Variants in USP10 observed in about 807,000 individuals in gnomAD.
USP10 encodes ubiquitin carboxyl-terminal hydrolase 10.
USP10 carries 22 observed loss-of-function variants against 84.5 expected under a neutral mutation model. The observed-to-expected ratio is 0.26, with a 90% CI of 0.19 to 0.37. The LOEUF (loss-of-function observed/expected upper bound fraction) is 0.37. Among genes scored for constraint, USP10 ranks in the 10% least tolerant of loss-of-function variants. The probability of loss-of-function intolerance (pLI) is 1.00; values close to 1 mark genes in which losing one functional copy is unlikely to be tolerated. For missense variants in USP10, 1,019 were observed against 998.9 expected (o/e 1.02, Z -0.27); for synonymous variants, 454 against 387.6 (o/e 1.17, Z -2.01).
At chr16:84,703,534 G>A (rs1048905534) in intron 1 of USP10, among the ~76,000 whole-genome samples, 4 of 152,230 alleles carry the variant, frequency 2.6e-5, no homozygotes, top group Non-Finnish European at 4.4e-5. Context: ...CTAGCCAACA[G>A]CTGGATTAGT....
chr16:84,744,598 C>A (rs1486426373), intron 3 of USP10, 35 bp from the exon 4 acceptor site: 11 of 1,534,512 alleles, frequency 7.2e-6, no homozygotes, highest in Non-Finnish European at 9.7e-6. Flanking sequence ...GTTTGTAGAA[C>A]TGGGTTCTTA....
chr16:84,750,838 T>C (rs1041745542), intron 4 of USP10, among the ~76,000 whole-genome samples: 7 of 152,246 alleles, frequency 4.6e-5, no homozygotes, highest in African/African-American at 1.7e-4. Context: ...TGAACAGCTC[T>C]GAAAACATTG....
intron 9 of USP10, 25 bp downstream of exon 9, chr16:84,763,113 G>C (rs1333630042): frequency 6.5e-7 from 1 of 1,532,048 alleles, no homozygotes; most frequent in Admixed American, 1.7e-5. Context: ...ACTTGCCGCA[G>C]AGTTGTGCAA....
chr16:84,703,502 C>G (rs777468768), intron 1 of USP10, among the ~76,000 whole-genome samples: 4 of 152,196 alleles, frequency 2.6e-5, no homozygotes, highest in Admixed American at 1.3e-4. Flanking sequence ...CTGAATGTTA[C>G]TGTATTGCTG....
intron 11 of USP10, 108 bp from the exon 12 acceptor site, chr16:84,772,433 C>A (rs574788052): frequency 6.7e-7 from 1 of 1,499,920 alleles, no homozygotes. Context: ...TGCCACAGGA[C>A]TCTTGGGCCT....
At position 84,701,649 on chromosome 16, in the gene USP10, A is replaced by T. The variant is rs2150747297; in HGVS notation, c.21+1538A>T. ...CATAGCTCACTTCCTTTATTTAATA[A>T]GCATCAATCACAATTCAAGGTTGAT... On this transcript the variant is annotated intron_variant, in intron 1 of 13. Transcript: ENST00000219473. Among the ~76,000 whole-genome samples the T allele has an allele frequency of 2.0e-5, 3 of 152,358 alleles. No homozygotes were observed. The Middle Eastern group carries it at 0.01, about 518-fold the overall frequency.
At chr16:84,709,140 G>T (rs551604268) in intron 1 of USP10, 1 of 152,244 alleles carries the variant, frequency 6.6e-6, no homozygotes, top group Non-Finnish European at 1.5e-5. Context: ...TGTTTCTCTC[G>T]CGGAGGAGTT....
At chr16:84,742,374 C>A (rs946824974) in intron 3 of USP10, among the ~76,000 whole-genome samples, 2 of 152,196 alleles carry the variant, frequency 1.3e-5, no homozygotes, top group African/African-American at 2.4e-5. Flanking sequence ...AGCTTTCTCT[C>A]CCCTCCCTCC....
At chr16:84,708,818 A>G (rs1230935438) in intron 1 of USP10, 3 of 152,226 alleles carry the variant, frequency 2.0e-5, no homozygotes, top group Non-Finnish European at 2.9e-5. Context: ...AATACTAGAC[A>G]CTTTTTTCAG....
At chr16:84,766,532 A>G (rs1007260241) in intron 10 of USP10, among the ~76,000 whole-genome samples, 1 of 152,220 alleles carries the variant, frequency 6.6e-6, no homozygotes, top group African/African-American at 2.4e-5. Flanking sequence ...CCCCCTCGGG[A>G]TGGGAGAGAA....
chr16:84,708,688 T>G (rs1905871053), intron 1 of USP10, among the ~76,000 whole-genome samples: 1 of 152,210 alleles, frequency 6.6e-6, no homozygotes, highest in Non-Finnish European at 1.5e-5. Flanking sequence ...AACAAAACAC[T>G]TCCCAACTCA....
At chr16:84,740,477 G>T (rs1910497384) in intron 3 of USP10, 108 bp downstream of exon 3, 1 of 940,012 alleles carries the variant, frequency 1.1e-6, no homozygotes, top group Non-Finnish European at 1.6e-6. Context: ...TTTCTTTGTA[G>T]CTTGAAGTTT....
chr16:84,770,828 G>C (rs1914369115), intron 11 of USP10, among the ~76,000 whole-genome samples: 1 of 150,952 alleles, frequency 6.6e-6, no homozygotes, highest in Non-Finnish European at 1.5e-5. Context: ...AGCATTTTCG[G>C]AGGCTGAGGC....
intron 4 of USP10, among the ~76,000 whole-genome samples, chr16:84,749,067 T>G (rs1007645366): frequency 1.1e-4 from 17 of 151,970 alleles, no homozygotes; most frequent in Non-Finnish European, 2.5e-4. Flanking sequence ...TTGTTGACAG[T>G]TTCAGGAGTC....
intron 1 of USP10, among the ~76,000 whole-genome samples, chr16:84,715,304 G>A (rs1395743626): frequency 6.6e-6 from 1 of 152,166 alleles, no homozygotes; most frequent in Non-Finnish European, 1.5e-5. Flanking sequence ...TAGATATCCA[G>A]GAAGATAACC....
intron 12 of USP10, among the ~76,000 whole-genome samples, chr16:84,774,950 G>A (rs1914843126): frequency 6.6e-6 from 1 of 152,182 alleles, no homozygotes; most frequent in East Asian, 1.9e-4. Context: ...TTTCTTTAGT[G>A]AGCTGGCTGC....
intron 8 of USP10, among the ~76,000 whole-genome samples, chr16:84,762,621 C>G (rs1273664739): frequency 1.3e-5 from 2 of 151,146 alleles, no homozygotes; most frequent in South Asian, 2.1e-4. Context: ...AACCCGGGAG[C>G]TGGAGGTTGC....
intron 4 of USP10, 53 bp from the exon 5 acceptor site, chr16:84,758,663 T>C (rs1912859148): frequency 8.0e-7 from 1 of 1,252,556 alleles, no homozygotes; most frequent in African/African-American, 1.5e-5. Context: ...ATGATTTGAA[T>C]GTTCTTCACT....
chr16:84,702,916 C>G (rs1236243620), intron 1 of USP10, among the ~76,000 whole-genome samples: 1 of 141,932 alleles, frequency 7.0e-6, no homozygotes, highest in African/African-American at 2.6e-5. Context: ...TCGCTTGAAC[C>G]CGGGAGGCGG....
Sources: gnomAD v4.1 joint callset for allele counts (sites outside exome capture counted in the v4.1 genomes callset) on GRCh38, gnomAD v4.1.1 for gene constraint, MANE v1.5 for transcripts, NCBI Gene and HGNC (gene_info 2026-07-23, HGNC 2026-07-21) for gene names.